SMAD6: variants seen among roughly 807,000 people sequenced by gnomAD.
SMAD6 encodes the protein MAD homolog 6.
SMAD6 carries 103 observed loss-of-function variants against 39.4 expected under a neutral mutation model. That is an observed-to-expected ratio of 2.62 (90% CI 2.23 to 3.08). The LOEUF (loss-of-function observed/expected upper bound fraction) is 3.08. SMAD6 is among the 30% of genes most tolerant of loss of function. SMAD6 has a pLI of 0.00. For synonymous variants in SMAD6, 445 were observed against 353.3 expected, an observed-to-expected ratio of 1.26 and a Z score of -2.91; for missense variants, 1,104 against 742.9, an observed-to-expected ratio of 1.49 and a Z score of -5.65.
Position 66,716,994 on chromosome 15 carries a change from G to A in SMAD6, c.952+496G>A, listed in dbSNP as rs1327055713. The A allele has an allele frequency of 3.1e-6, 4 of 1,289,230 alleles. No homozygotes were observed. The East Asian group carries it at 1.7e-4, about 54-fold the overall frequency. 79.9% of individuals were successfully genotyped at this position (1,289,230 alleles called of 1,614,324 possible). Reference sequence around the variant, plus strand: ...GAGTTTGGCAAAGCCAGTGGTTTCTGTGTCTCTCCCTGAGCAGCAGATGCT... The same window carrying A: ...GAGTTTGGCAAAGCCAGTGGTTTCTATGTCTCTCCCTGAGCAGCAGATGCT... On this transcript the variant is annotated intron_variant, in intron 3 of 3. Transcript: ENST00000288840.
intron 3 of SMAD6, among the ~76,000 whole-genome samples, chr15:66,779,487 G>A (rs1894521951): frequency 6.6e-6 from 1 of 152,198 alleles, no homozygotes; most frequent in South Asian, 2.1e-4. Flanking sequence ...CAAAGCCACA[G>A]CAGAGCAGTC....
At chr15:66,767,920 TTG>T (rs1894315640) in intron 3 of SMAD6, among the ~76,000 whole-genome samples, 1 of 151,716 alleles carries the variant, frequency 6.6e-6, no homozygotes, top group African/African-American at 2.4e-5. Context: ...TGTCCCACCT[TTG>T]TACTTTTAAT....
Position 66,733,865 on chromosome 15 carries a change from G to A in SMAD6, c.952+17367G>A, listed in dbSNP as rs1893670498. ...GGTCCCATCCCGCTTGGGCACTGAT[G>A]TTCACATAAACTGCAGGATGGGAGA... On this transcript the variant is annotated intron_variant, in intron 3 of 3. Coordinates refer to ENST00000288840, the MANE Select transcript of SMAD6 (RefSeq NM_005585.5). Among the ~76,000 whole-genome samples, 6 of 152,332 alleles carry A rather than the reference G, an allele frequency of 3.9e-5. No homozygotes were observed. In the South Asian group the frequency reaches 1.2e-3, roughly 32 times the overall value.
Position 66,781,956 on chromosome 15 carries a change from C to A in SMAD6, c.*421C>A. On this transcript the variant is annotated 3_prime_UTR_variant, in exon 4 of 4. Coordinates refer to ENST00000288840, the MANE Select transcript of SMAD6 (RefSeq NM_005585.5). ...TTAATGCCCAGACAAAAAGCTAATA[C>A]CAGTCACTCGATAATAAAGTATTCG... The A allele has an allele frequency of 2.5e-6, 1 of 398,828 alleles. No homozygotes were observed. The highest frequency in any genetic ancestry group is 4.4e-6 in the Non-Finnish European group (1 of 226,048). The allele number at this position is 398,828 out of a possible 1,614,324, so 24.7% of individuals were successfully genotyped here. A position where few individuals can be genotyped will look rare whatever the true frequency, so the allele number is the denominator to read the frequency against.
At chr15:66,776,166 A>G (rs1185688437) in intron 3 of SMAD6, among the ~76,000 whole-genome samples, 1 of 152,218 alleles carries the variant, frequency 6.6e-6, no homozygotes, top group Non-Finnish European at 1.5e-5. Flanking sequence ...GCTAGGGGCT[A>G]ACCCCTAACA....
At chr15:66,777,022 G>A (rs1894478271) in intron 3 of SMAD6, among the ~76,000 whole-genome samples, 1 of 152,226 alleles carries the variant, frequency 6.6e-6, no homozygotes, top group South Asian at 2.1e-4. Context: ...GAGTGACAGA[G>A]TGAGACCATT....
At chr15:66,776,026 G>A (rs1894462324) in intron 3 of SMAD6, among the ~76,000 whole-genome samples, 2 of 152,242 alleles carry the variant, frequency 1.3e-5, no homozygotes, top group African/African-American at 4.8e-5. Context: ...CACACCGCAT[G>A]AAATCTGAAT....
chr15:66,774,111 A>G (rs557711251), intron 3 of SMAD6, among the ~76,000 whole-genome samples: 6 of 152,314 alleles, frequency 3.9e-5, no homozygotes, highest in African/African-American at 1.4e-4. Context: ...GCTGGGCACA[A>G]CGCTGGTTCC....
At position 66,703,053 on chromosome 15, in the gene SMAD6, T is replaced by A; in HGVS notation, c.-206T>A. On this transcript the variant is annotated 5_prime_UTR_variant, in exon 1 of 4. Transcript: ENST00000288840. ...CGGACTGCGGCTCGGCGTGCGCGTGTTCCCGGCCGTCCCGCCTCGGCGAGC... is the reference window on the plus strand; with the variant it reads ...CGGACTGCGGCTCGGCGTGCGCGTGATCCCGGCCGTCCCGCCTCGGCGAGC... 7.4e-6 allele frequency: 3 copies of A among 405,188 alleles called. No homozygotes were observed. The highest frequency in any genetic ancestry group is 9.0e-6 in the Non-Finnish European group (2 of 222,508). The allele number at this position is 405,188 out of a possible 1,614,324, so 25.1% of individuals were successfully genotyped here. A position where few individuals can be genotyped will look rare whatever the true frequency, so the allele number is the denominator to read the frequency against.
Position 66,703,981 on chromosome 15 carries a change from G to A in SMAD6, c.723G>A (p.Leu241=). Residue 241 remains leucine (L), a synonymous_variant, in exon 1 of 4, where the codon CTG becomes CTA. Transcript: ENST00000288840. ...CCGACCTGCAGCACGCCGTGGAGCT[G>A]AAGCCCCTGTGCGGCTGCCACAGCT... ...RWPDLQHAVE[L]KPLCGCHSFA... is the part of the protein sequence containing the mutation. 1 of 1,472,016 alleles carries A rather than the reference G, an allele frequency of 6.8e-7. No homozygotes were observed. The allele number at this position is 1,472,016 out of a possible 1,614,324, so 91.2% of individuals were successfully genotyped here.
chr15:66,720,432 C>T (rs138079064), intron 3 of SMAD6, among the ~76,000 whole-genome samples: 57 of 152,156 alleles, frequency 3.7e-4, no homozygotes, highest in Middle Eastern at 3.4e-3. Flanking sequence ...CTGGCCAGGC[C>T]GGGCTGGGTG....
intron 3 of SMAD6, among the ~76,000 whole-genome samples, chr15:66,726,871 T>TG (rs1310080091): frequency 2.7e-5 from 4 of 145,726 alleles, no homozygotes; most frequent in African/African-American, 1.0e-4. Context: ...GCATTGGGAT[T>TG]TTTTTTTTTT....
chr15:66,748,076 A>G (rs1893937581), intron 3 of SMAD6, among the ~76,000 whole-genome samples: 1 of 152,108 alleles, frequency 6.6e-6, no homozygotes, highest in African/African-American at 2.4e-5. Flanking sequence ...TCCTTGGGGG[A>G]TTTGTAAAAT....
intron 3 of SMAD6, among the ~76,000 whole-genome samples, chr15:66,723,252 A>C (rs1893465857): frequency 6.6e-6 from 1 of 152,218 alleles, no homozygotes; most frequent in Admixed American, 6.5e-5. Flanking sequence ...ATACTTGCAA[A>C]GTCCAGAGAG....
intron 3 of SMAD6, among the ~76,000 whole-genome samples, 177 bp from the exon 4 acceptor site, chr15:66,780,820 T>C (rs1206448765): frequency 6.6e-6 from 1 of 152,190 alleles, no homozygotes; most frequent in Non-Finnish European, 1.5e-5. Context: ...GAAAGAGATG[T>C]CCCGTTGTGC....
intron 3 of SMAD6, among the ~76,000 whole-genome samples, chr15:66,752,911 G>A (rs928816037): frequency 9.2e-5 from 14 of 152,342 alleles, no homozygotes; most frequent in Admixed American, 6.5e-4. Flanking sequence ...AGGAGGTGAT[G>A]TTTGGCACAG....
intron 3 of SMAD6, among the ~76,000 whole-genome samples, chr15:66,774,414 C>T (rs1335278537): frequency 6.6e-6 from 1 of 152,134 alleles, no homozygotes; most frequent in South Asian, 2.1e-4. Flanking sequence ...GGCAGAGAGG[C>T]GTAGAGAAAA....
intron 3 of SMAD6, among the ~76,000 whole-genome samples, chr15:66,780,415 A>G (rs1202742877): frequency 6.6e-6 from 1 of 151,648 alleles, no homozygotes. Context: ...TGTGATTTCA[A>G]CCTCCCCCGC....
rs1286501338 is a variant in SMAD6, at chr15:66,742,319, C to T, written c.952+25821C>T. On this transcript the variant is annotated intron_variant, in intron 3 of 3. Coordinates refer to ENST00000288840, the MANE Select transcript of SMAD6 (RefSeq NM_005585.5). ...TATAATCCCACCAATGTCTGGTTTC[C>T]CTCAGAGCAACTTGGGGTACCTGGA... Among the ~76,000 whole-genome samples the T allele has an allele frequency of 2.0e-5, 3 of 151,972 alleles. No homozygotes were observed. In the East Asian group the frequency reaches 5.8e-4, roughly 29 times the overall value.
Sources: allele counts gnomAD v4.1 joint callset (sites outside exome capture counted in the v4.1 genomes callset), GRCh38; gene constraint gnomAD v4.1.1; transcripts MANE v1.5; gene names NCBI Gene and HGNC (gene_info 2026-07-23, HGNC 2026-07-21).